Variants in CCDC150 observed in about 807,000 individuals in gnomAD.
CCDC150 encodes coiled-coil domain-containing protein 150.
In CCDC150, 151 loss-of-function variants were observed where a neutral mutation model predicts 156.5. That is an observed-to-expected ratio of 0.97 (90% confidence interval 0.85 to 1.10). The LOEUF (loss-of-function observed/expected upper bound fraction) is 1.10. Ranked by LOEUF, CCDC150 falls within the 50% of genes least tolerant of loss-of-function variation. CCDC150 has a pLI of 0.00. For synonymous variants in CCDC150, 452 were observed against 429.4 expected, an observed-to-expected ratio of 1.05 and a Z score of -0.65; for missense variants, 1,312 against 1,268.1, an observed-to-expected ratio of 1.03 and a Z score of -0.53.
intron 1 of CCDC150, among the ~76,000 whole-genome samples, chr2:196,646,115 T>A (rs1692520062): frequency 6.6e-6 from 1 of 152,132 alleles, no homozygotes; most frequent in South Asian, 2.1e-4. Flanking sequence ...CTGGAGAAAG[T>A]CCTACCTGGG....
At chr2:196,663,510 T>C (rs1024703932) in intron 5 of CCDC150, among the ~76,000 whole-genome samples, 2 of 152,190 alleles carry the variant, frequency 1.3e-5, no homozygotes, top group African/African-American at 4.8e-5. Flanking sequence ...TGGAAAATTA[T>C]GAAGGTAATA....
rs1237133602 is a variant in CCDC150 at position 196,721,770 on chromosome 2, G to A, written c.2429+79G>A. On this transcript the variant is annotated intron_variant, in intron 21 of 27. Transcript: ENST00000389175. Reference sequence around the variant, plus strand: ...TCACATTCCCATAAATGGCTCATTCGCATAAATCAGTTAAACTCTTTTCTC... The same window carrying A: ...TCACATTCCCATAAATGGCTCATTCACATAAATCAGTTAAACTCTTTTCTC... 38 of 1,157,712 alleles carry A rather than the reference G, an allele frequency of 3.3e-5. No homozygotes were observed. In the Middle Eastern group the frequency reaches 8.0e-4, roughly 25 times the overall value. 71.7% of individuals were successfully genotyped at this position (1,157,712 alleles called of 1,614,324 possible). A position where few individuals can be genotyped will look rare whatever the true frequency, so the allele number is the denominator to read the frequency against.
chr2:196,640,731 A>G (rs767388812), intron 1 of CCDC150, among the ~76,000 whole-genome samples: 1 of 152,216 alleles, frequency 6.6e-6, no homozygotes, highest in South Asian at 2.1e-4. Flanking sequence ...TCTTTCAAGT[A>G]TATCTAACCA....
At chr2:196,694,841 GACAGAGTGAGACT>G (rs1167932657) in intron 13 of CCDC150, among the ~76,000 whole-genome samples, 192 bp from the exon 14 acceptor site, 14 of 152,168 alleles carry the variant, frequency 9.2e-5, no homozygotes, top group African/African-American at 3.4e-4. Flanking sequence ...CAGCCTGGGT[GACAGAGTGAGACT>G]ACGTCTCAAA....
At chr2:196,712,089 TA>T in intron 15 of CCDC150, 55 bp from the exon 16 acceptor site, 1 of 713,130 alleles carries the variant, frequency 1.4e-6, no homozygotes, top group Non-Finnish European at 2.3e-6. Flanking sequence ...TGTAAATATA[TA>T]TGTTTAAATG....
At chr2:196,731,536 ATGG>A (rs1316733340) in intron 26 of CCDC150, among the ~76,000 whole-genome samples, 1 of 150,440 alleles carries the variant, frequency 6.6e-6, no homozygotes, top group East Asian at 2.0e-4. Context: ...GTAGCTGGGC[ATGG>A]TGGTGCACCA....
chr2:196,652,131 G>T (rs1175383037), intron 2 of CCDC150, among the ~76,000 whole-genome samples: 1 of 152,086 alleles, frequency 6.6e-6, no homozygotes, highest in Non-Finnish European at 1.5e-5. Flanking sequence ...AATTTGGAGG[G>T]GACAAACATC....
chr2:196,683,299 A>G lies in CCDC150; in HGVS notation c.1509+5938A>G, dbSNP rs530903216. On this transcript the variant is annotated intron_variant, in intron 13 of 27. Coordinates refer to ENST00000389175, the MANE Select transcript of CCDC150 (RefSeq NM_001080539.2). ...TCTTGTGGGTTTTGTTCTTTGTTCT[A>G]TTACTATGGTGTATTACAGTGATTG... Among the ~76,000 whole-genome samples the G allele has an allele frequency of 5.9e-5, 9 of 152,028 alleles. No individual in the cohort carries two copies. The East Asian group carries it at 9.7e-4, about 16-fold the overall frequency.
chr2:196,720,577 A>C lies in CCDC150; in HGVS notation c.2168A>C (p.Asp723Ala). The change falls in exon 20 of 28, where the codon GAT (aspartate) becomes GCT (alanine). Residue 723 changes from aspartate (D) to alanine (A), a missense_variant and splice_region_variant. By Grantham distance (126) the Asp-to-Ala change is moderately radical. Transcript: ENST00000389175. ...CTTTTTGTGCTTTTTATTTTTAGGGATCTCAATCAACAGAGGGTGCAGAAG... is the reference window on the plus strand; with the variant it reads ...CTTTTTGTGCTTTTTATTTTTAGGGCTCTCAATCAACAGAGGGTGCAGAAG... ...SEIAGLKKERDLNQQRVQKLE... is the reference protein window; with the variant it reads ...SEIAGLKKERALNQQRVQKLE... 6.2e-7 allele frequency: 1 copy of C among 1,613,140 alleles called. No individual in the cohort carries two copies. The highest frequency in any genetic ancestry group is 1.7e-5 in the Admixed American group (1 of 59,960).
At chr2:196,727,126 C>G (rs1358755459) in intron 22 of CCDC150, 1 of 152,166 alleles carries the variant, frequency 6.6e-6, no homozygotes, top group African/African-American at 2.4e-5. Context: ...ATCAAACAGG[C>G]CAGGCGAGGC....
chr2:196,672,439 T>C lies in CCDC150; in HGVS notation c.1029+2T>C. 6.9e-7 allele frequency: 1 copy of C among 1,448,568 alleles called. No individual in the cohort carries two copies. Among genetic ancestry groups the C allele is most frequent in the Non-Finnish European group, 9.2e-7 (1 of 1,091,006 alleles). 89.7% of individuals were successfully genotyped at this position (1,448,568 alleles called of 1,614,324 possible). A position where few individuals can be genotyped will look rare whatever the true frequency, so the allele number is the denominator to read the frequency against. On this transcript the variant is annotated splice_donor_variant, in intron 9 of 27. Transcript: ENST00000389175. LOFTEE classifies it high-confidence loss of function. Reference sequence around the variant, plus strand: ...CATGAAGCATCAGAAAAAGCACAAGTAAATGCTCATGATTTTGTTAGTTTT... The same window carrying C: ...CATGAAGCATCAGAAAAAGCACAAGCAAATGCTCATGATTTTGTTAGTTTT...
chr2:196,664,460 C>T (rs538275894), intron 5 of CCDC150, among the ~76,000 whole-genome samples: 166 of 152,326 alleles, frequency 1.1e-3, no homozygotes, highest in African/African-American at 3.8e-3. Flanking sequence ...TACAGTTGAG[C>T]AGCCAGATGG....
intron 22 of CCDC150, chr2:196,727,025 A>T (rs994042034): frequency 2.0e-5 from 3 of 152,264 alleles, no homozygotes; most frequent in Non-Finnish European, 2.9e-5. Flanking sequence ...ATAACAGTTA[A>T]TTCGAGTATT....
intron 6 of CCDC150, among the ~76,000 whole-genome samples, 153 bp from the exon 7 acceptor site, chr2:196,666,566 G>A (rs891083186): frequency 2.6e-5 from 4 of 152,170 alleles, no homozygotes; most frequent in Admixed American, 1.3e-4. Flanking sequence ...CTCCAAGACC[G>A]CATTCTGTTG....
intron 17 of CCDC150, among the ~76,000 whole-genome samples, chr2:196,716,176 A>G (rs986246709): frequency 1.3e-5 from 2 of 152,350 alleles, no homozygotes; most frequent in South Asian, 2.1e-4. Context: ...TATTATGGGT[A>G]CAGCCACTTT....
chr2:196,688,928 A>G lies in CCDC150; in HGVS notation c.1510-6118A>G, dbSNP rs1429683640. ...TCTTGAATTAATTTTTGTATAAGGT[A>G]TAAGGAAGGGATCCAGTTTCAGCTT... On this transcript the variant is annotated intron_variant, in intron 13 of 27. Transcript: ENST00000389175. Among the ~76,000 whole-genome samples, 8 of 151,642 alleles carry G rather than the reference A, an allele frequency of 5.3e-5. No homozygotes were observed. In the South Asian group the frequency reaches 6.3e-4, roughly 12 times the overall value.
At chr2:196,718,123 T>C (rs1697650640) in intron 17 of CCDC150, among the ~76,000 whole-genome samples, 1 of 152,252 alleles carries the variant, frequency 6.6e-6, no homozygotes, top group Non-Finnish European at 1.5e-5. Context: ...AATTTTCTTG[T>C]ATTTCTTTCT....
intron 9 of CCDC150, 135 bp from the exon 10 acceptor site, chr2:196,674,106 T>C (rs1375974049): frequency 5.6e-6 from 3 of 539,752 alleles, no homozygotes; most frequent in East Asian, 6.5e-5. Context: ...TAATGACATG[T>C]GAATTGAGGA....
intron 1 of CCDC150, among the ~76,000 whole-genome samples, chr2:196,645,125 A>G (rs1211601259): frequency 6.6e-6 from 1 of 152,168 alleles, no homozygotes; most frequent in Non-Finnish European, 1.5e-5. Context: ...CTCTGCCTCG[A>G]AAAAGAAAAA....
Sources: allele counts gnomAD v4.1 joint callset (sites outside exome capture counted in the v4.1 genomes callset), GRCh38; gene constraint gnomAD v4.1.1; transcripts MANE v1.5; gene names NCBI Gene and HGNC (gene_info 2026-07-23, HGNC 2026-07-21).